Variants in C2CD5 observed in about 807,000 individuals in gnomAD.
C2CD5 encodes C2 calcium dependent domain containing 5.
In C2CD5, 109 loss-of-function variants were observed where a neutral mutation model predicts 130.3. The observed-to-expected ratio is 0.84, with a 90% CI of 0.72 to 0.98. The LOEUF is 0.98. Among genes scored for constraint, C2CD5 ranks in the 50% least tolerant of loss-of-function variants. C2CD5 has a pLI of 0.00. For missense variants in C2CD5, 996 were observed against 1,261.8 expected, an observed-to-expected ratio of 0.79 and a Z score of 3.19; for synonymous variants, 454 against 429.2, an observed-to-expected ratio of 1.06 and a Z score of -0.71.
chr12:22,498,278 C>T (rs947282391), intron 10 of C2CD5, among the ~76,000 whole-genome samples: 4 of 152,064 alleles, frequency 2.6e-5, no homozygotes, highest in South Asian at 2.1e-4. Flanking sequence ...GTGTACAGGA[C>T]GTCTGCCTGG....
At chr12:22,497,352 C>T (rs1947154151) in intron 10 of C2CD5, among the ~76,000 whole-genome samples, 1 of 152,016 alleles carries the variant, frequency 6.6e-6, no homozygotes, top group Non-Finnish European at 1.5e-5. Flanking sequence ...ACTCCAAATA[C>T]CCTGATTTGA....
intron 22 of C2CD5, among the ~76,000 whole-genome samples, chr12:22,461,378 G>A (rs531301040): frequency 2.9e-4 from 44 of 152,178 alleles, no homozygotes; most frequent in African/African-American, 9.4e-4. Context: ...TCACTAAAAC[G>A]AAAATCTTTT....
intron 11 of C2CD5, among the ~76,000 whole-genome samples, chr12:22,492,491 T>C (rs1946476814): frequency 6.6e-6 from 1 of 152,136 alleles, no homozygotes. Context: ...GTCCAAAATA[T>C]GGTTGAAAGT....
At chr12:22,469,848 T>C in intron 21 of C2CD5, 53 bp from the exon 22 acceptor site, 5 of 1,110,110 alleles carry the variant, frequency 4.5e-6, no homozygotes, top group Non-Finnish European at 6.3e-6. Flanking sequence ...TATTAATTTT[T>C]TAAAATTAAG....
At chr12:22,516,622 T>A (rs1003939340) in intron 8 of C2CD5, among the ~76,000 whole-genome samples, 14 of 150,464 alleles carry the variant, frequency 9.3e-5, no homozygotes, top group Admixed American at 2.0e-4. Context: ...CCAAACTTTA[T>A]CTGTGGTATG....
chr12:22,452,674 G>A (rs1394007028), intron 26 of C2CD5, among the ~76,000 whole-genome samples: 1 of 152,178 alleles, frequency 6.6e-6, no homozygotes, highest in Non-Finnish European at 1.5e-5. Context: ...AGTATACCGT[G>A]AGTTACAAAA....
At chr12:22,484,086 A>C (rs16925006) in intron 13 of C2CD5, among the ~76,000 whole-genome samples, 4,052 of 152,240 alleles carry the variant, frequency 0.027, 165 homozygotes, top group African/African-American at 0.084. Flanking sequence ...ATCAAGGAGG[A>C]TGAAGATTAT....
chr12:22,500,305 C>T (rs184216275), intron 10 of C2CD5, among the ~76,000 whole-genome samples: 2 of 150,542 alleles, frequency 1.3e-5, no homozygotes, highest in Non-Finnish European at 3.0e-5. Context: ...TGGCAAGCAA[C>T]GTAGTAAGCA....
intron 22 of C2CD5, among the ~76,000 whole-genome samples, chr12:22,464,675 T>C (rs1038838252): frequency 2.6e-5 from 4 of 152,300 alleles, no homozygotes; most frequent in African/African-American, 9.6e-5. Flanking sequence ...CCATTGATTA[T>C]TTGGCCTCCA....
intron 22 of C2CD5, among the ~76,000 whole-genome samples, chr12:22,460,156 T>G (rs977088687): frequency 2.0e-5 from 3 of 152,330 alleles, no homozygotes; most frequent in Non-Finnish European, 4.4e-5. Context: ...CCCTTTCCAG[T>G]AACCTGACAG....
chr12:22,538,510 C>T (rs1208095147), intron 2 of C2CD5, among the ~76,000 whole-genome samples: 2 of 152,118 alleles, frequency 1.3e-5, no homozygotes, highest in Non-Finnish European at 2.9e-5. Flanking sequence ...TTTACGAATA[C>T]GCTTTATGGA....
At chr12:22,467,092 A>T (rs958321692) in intron 22 of C2CD5, among the ~76,000 whole-genome samples, 1 of 152,234 alleles carries the variant, frequency 6.6e-6, no homozygotes, top group Non-Finnish European at 1.5e-5. Context: ...GGTACCTCTG[A>T]CAAACCTCTA....
chr12:22,472,952 T>C (rs768107592), intron 16 of C2CD5, 145 bp from the exon 17 acceptor site: 1 of 602,700 alleles, frequency 1.7e-6, no homozygotes, highest in Non-Finnish European at 3.0e-6. Flanking sequence ...CTAATATCAG[T>C]AAATTTCTCC....
At chr12:22,496,775 C>G (rs971016122) in intron 10 of C2CD5, among the ~76,000 whole-genome samples, 1 of 151,130 alleles carries the variant, frequency 6.6e-6, no homozygotes, top group Non-Finnish European at 1.5e-5. Flanking sequence ...TAGATAATAT[C>G]GCAAATCTTT....
chr12:22,498,182 C>G (rs1373098551), intron 10 of C2CD5, among the ~76,000 whole-genome samples: 1 of 152,008 alleles, frequency 6.6e-6, no homozygotes, highest in Non-Finnish European at 1.5e-5. Flanking sequence ...AATTAAAGTT[C>G]CAAGAGAGCC....
At chr12:22,508,103 C>T (rs1029023130) in intron 9 of C2CD5, among the ~76,000 whole-genome samples, 3 of 152,120 alleles carry the variant, frequency 2.0e-5, no homozygotes, top group Non-Finnish European at 4.4e-5. Flanking sequence ...CTCACAAAAG[C>T]ATGATCACAA....
intron 4 of C2CD5, among the ~76,000 whole-genome samples, chr12:22,526,558 A>G (rs969734996): frequency 2.0e-4 from 30 of 152,212 alleles, no homozygotes; most frequent in African/African-American, 6.8e-4. Flanking sequence ...TTCAATGAAT[A>G]TAAGTTAAAG....
At position 22,535,130 on chromosome 12, in the gene C2CD5, CAGAAA is replaced by C. The variant is rs1449350718; in HGVS notation, c.177+123_177+127del. The C allele has an allele frequency of 9.2e-6, 6 of 652,652 alleles. No individual in the cohort carries two copies. In the East Asian group the frequency reaches 1.4e-4, roughly 15 times the overall value. 40.4% of individuals were successfully genotyped at this position (652,652 alleles called of 1,614,324 possible). ...TTTAGACTCAATATTCCTAGGTAAG[CAGAAA>C]AGAAAATATTTTTGTGATGTAGAAA... On this transcript the variant is annotated intron_variant, in intron 3 of 26. Transcript: ENST00000446597.
chr12:22,541,778 T>A (rs73078418), intron 2 of C2CD5, among the ~76,000 whole-genome samples: 6,359 of 152,252 alleles, frequency 0.042, 170 homozygotes, highest in South Asian at 0.11. Flanking sequence ...ATGGCACCCA[T>A]CCCAACTTGT....
Sources: gnomAD v4.1 joint callset for allele counts (sites outside exome capture counted in the v4.1 genomes callset) on GRCh38, gnomAD v4.1.1 for gene constraint, MANE v1.5 for transcripts, NCBI Gene and HGNC (gene_info 2026-07-23, HGNC 2026-07-21) for gene names.